The following DENND1A variants were observed in gnomAD, a reference collection of about 807,000 sequenced individuals.
DENND1A encodes the protein DENN domain containing 1A.
DENND1A carries 51 observed loss-of-function variants against 113.7 expected under a neutral mutation model. The observed-to-expected ratio is 0.45, with a 90% CI of 0.36 to 0.57. DENND1A has a LOEUF of 0.57. DENND1A is among the 20% of genes least tolerant of loss of function. The probability of loss-of-function intolerance (pLI) is 0.00; values close to 1 mark genes in which losing one functional copy is unlikely to be tolerated. For missense variants in DENND1A, 1,258 were observed against 1,395.9 expected (o/e 0.90, Z 1.57); for synonymous variants, 565 against 570.8 (o/e 0.99, Z 0.14).
intron 11 of DENND1A, among the ~76,000 whole-genome samples, 165 bp downstream of exon 11, chr9:123,609,271 G>T (rs2060304502): frequency 6.6e-6 from 1 of 152,176 alleles, no homozygotes; most frequent in Non-Finnish European, 1.5e-5. Flanking sequence ...ACAGAGCCCA[G>T]TGCACGGCGT....
intron 13 of DENND1A, among the ~76,000 whole-genome samples, chr9:123,470,283 G>A (rs1181488817): frequency 1.3e-5 from 2 of 151,928 alleles, no homozygotes; most frequent in African/African-American, 2.4e-5. Context: ...CAGAGCTACA[G>A]CTCTCTCCCT....
At chr9:123,409,449 C>G (rs2044135624) in intron 20 of DENND1A, among the ~76,000 whole-genome samples, 1 of 151,496 alleles carries the variant, frequency 6.6e-6, no homozygotes, top group Non-Finnish European at 1.5e-5. Flanking sequence ...GGCACACAAC[C>G]AGGAAGTATC....
intron 2 of DENND1A, among the ~76,000 whole-genome samples, chr9:123,800,845 GA>G (rs775817918): frequency 3.4e-4 from 51 of 152,008 alleles, no homozygotes; most frequent in East Asian, 2.3e-3. Flanking sequence ...TCTCATCTAT[GA>G]AAAAAAATTG....
Position 123,829,358 on chromosome 9 carries a change from A to C in DENND1A, c.89-36728T>G, listed in dbSNP as rs557353161. ...TAATACACAAATCAGAATTACAAAA[A>C]TGTAAAAATGAGGTGATGAACTCAC... is the stretch of plus-strand genomic sequence containing the variant. On this transcript the variant is annotated intron_variant, in intron 2 of 23. Transcript: ENST00000394215. Among the ~76,000 whole-genome samples, 9 of 152,240 alleles carry C rather than the reference A, an allele frequency of 5.9e-5. 1 individual carries two copies. In the East Asian group the frequency reaches 1.5e-3, roughly 26 times the overall value.
chr9:123,672,239 G>A (rs776150158), intron 6 of DENND1A, among the ~76,000 whole-genome samples: 2 of 152,078 alleles, frequency 1.3e-5, no homozygotes, highest in Non-Finnish European at 2.9e-5. Context: ...TGAATTTAAC[G>A]AAAGGAAAAA....
chr9:123,904,743 T>C (rs1158183807), intron 1 of DENND1A, among the ~76,000 whole-genome samples: 1 of 151,450 alleles, frequency 6.6e-6, no homozygotes, highest in Non-Finnish European at 1.5e-5. Flanking sequence ...TTGGTGTACC[T>C]GAAAGTGATG....
At chr9:123,804,295 T>C (rs764165122) in intron 2 of DENND1A, among the ~76,000 whole-genome samples, 10 of 152,236 alleles carry the variant, frequency 6.6e-5, no homozygotes, top group Non-Finnish European at 1.3e-4. Context: ...CATGTGGAAC[T>C]GTAAGTCTCA....
At chr9:123,624,029 T>A (rs1179469272) in intron 10 of DENND1A, among the ~76,000 whole-genome samples, 1 of 152,234 alleles carries the variant, frequency 6.6e-6, no homozygotes, top group Non-Finnish European at 1.5e-5. Flanking sequence ...ATTACACTTG[T>A]GAAGTCTATT....
chr9:123,528,558 G>A (rs2055033567), intron 13 of DENND1A, among the ~76,000 whole-genome samples: 1 of 152,120 alleles, frequency 6.6e-6, no homozygotes, highest in African/African-American at 2.4e-5. Flanking sequence ...CCTCAGATGT[G>A]TTCTTCTCAC....
intron 13 of DENND1A, among the ~76,000 whole-genome samples, chr9:123,496,395 G>A (rs2051917239): frequency 1.3e-5 from 2 of 152,160 alleles, no homozygotes; most frequent in South Asian, 4.1e-4. Context: ...ACTCAGTTCT[G>A]GCAAGTGATT....
intron 4 of DENND1A, among the ~76,000 whole-genome samples, chr9:123,758,736 G>A (rs937015049): frequency 6.6e-5 from 10 of 151,984 alleles, no homozygotes; most frequent in East Asian, 1.9e-4. Flanking sequence ...ACACATAAAC[G>A]CAACATTAAA....
chr9:123,601,795 A>T (rs898864985), intron 11 of DENND1A, among the ~76,000 whole-genome samples: 2 of 152,218 alleles, frequency 1.3e-5, no homozygotes, highest in Non-Finnish European at 2.9e-5. Context: ...AATTTTACAG[A>T]TAAGAGTGGA....
chr9:123,681,992 G>A (rs1392908623), intron 5 of DENND1A, among the ~76,000 whole-genome samples: 1 of 152,164 alleles, frequency 6.6e-6, no homozygotes, highest in Non-Finnish European at 1.5e-5. Context: ...CAGTGAGGAG[G>A]GGCTTCCACT....
chr9:123,571,092 G>T, intron 12 of DENND1A, among the ~76,000 whole-genome samples: 1 of 151,494 alleles, frequency 6.6e-6, no homozygotes, highest in Admixed American at 6.6e-5. Flanking sequence ...TTTTTTTAGG[G>T]TAAAACAAAG....
chr9:123,389,046 T>C (rs113507955), intron 21 of DENND1A, among the ~76,000 whole-genome samples: 4 of 152,356 alleles, frequency 2.6e-5, no homozygotes, highest in African/African-American at 7.2e-5. Context: ...CTGCTCTGTA[T>C]GCTAGAATTC....
At chr9:123,502,097 T>C (rs1477498793) in intron 13 of DENND1A, among the ~76,000 whole-genome samples, 5 of 152,276 alleles carry the variant, frequency 3.3e-5, no homozygotes, top group Middle Eastern at 3.4e-3. Flanking sequence ...CTGACTATAA[T>C]ACAGGCTCCA....
At chr9:123,817,077 A>G (rs1837616995) in intron 2 of DENND1A, among the ~76,000 whole-genome samples, 1 of 152,088 alleles carries the variant, frequency 6.6e-6, no homozygotes, top group South Asian at 2.1e-4. Context: ...GTAATACCCA[A>G]CCTCTCTATA....
chr9:123,797,292 T>C (rs542100274), intron 2 of DENND1A, among the ~76,000 whole-genome samples: 1 of 152,306 alleles, frequency 6.6e-6, no homozygotes, highest in Non-Finnish European at 1.5e-5. Context: ...TGTAATCAGA[T>C]TTAATTTTCC....
At chr9:123,679,162 A>G (rs2064281835) in intron 5 of DENND1A, among the ~76,000 whole-genome samples, 1 of 152,228 alleles carries the variant, frequency 6.6e-6, no homozygotes, top group Non-Finnish European at 1.5e-5. Context: ...AACAAGAGAA[A>G]AACTGAATCA....
Sources: allele counts gnomAD v4.1 joint callset (sites outside exome capture counted in the v4.1 genomes callset), GRCh38; gene constraint gnomAD v4.1.1; transcripts MANE v1.5; gene names NCBI Gene and HGNC (gene_info 2026-07-23, HGNC 2026-07-21).